RBKS: variants seen among roughly 807,000 people sequenced by gnomAD.
The protein encoded by RBKS is ribokinase.
A neutral mutation model predicts 33.9 loss-of-function variants in RBKS; 33 were observed. The observed-to-expected ratio is 0.97, with a 90% CI of 0.74 to 1.30. The LOEUF (loss-of-function observed/expected upper bound fraction) is 1.30. Among genes scored for constraint, RBKS ranks in the 50% most tolerant of loss-of-function variants. RBKS has a pLI of 0.00. For missense variants in RBKS, 361 were observed against 392.6 expected (o/e 0.92, Z 0.68); for synonymous variants, 125 against 143.0 (o/e 0.87, Z 0.90).
chr2:27,848,962 A>C (rs1663679702), intron 2 of RBKS, among the ~76,000 whole-genome samples: 1 of 152,132 alleles, frequency 6.6e-6, no homozygotes, highest in East Asian at 1.9e-4. Flanking sequence ...ACTACCAGGG[A>C]AGACAAGTTT....
intron 2 of RBKS, among the ~76,000 whole-genome samples, chr2:27,850,539 C>T (rs1663725496): frequency 6.6e-6 from 1 of 152,210 alleles, no homozygotes; most frequent in Admixed American, 6.5e-5. Flanking sequence ...ATAGTTTTGC[C>T]TTTTCCAGAA....
chr2:27,802,085 G>A (rs1677808101), intron 7 of RBKS, among the ~76,000 whole-genome samples: 1 of 129,438 alleles, frequency 7.7e-6, no homozygotes, highest in African/African-American at 3.0e-5. Flanking sequence ...CAATCCACCT[G>A]CCTTTGCCTC....
chr2:27,799,733 C>T (rs1472864774), intron 7 of RBKS, among the ~76,000 whole-genome samples: 1 of 152,248 alleles, frequency 6.6e-6, no homozygotes, highest in African/African-American at 2.4e-5. Flanking sequence ...GTCAGCCTTG[C>T]TGGCTACACT....
At chr2:27,816,888 C>T (rs1486315491) in intron 7 of RBKS, among the ~76,000 whole-genome samples, 5 of 152,206 alleles carry the variant, frequency 3.3e-5, no homozygotes, top group South Asian at 4.1e-4. Context: ...TGAGCCACCG[C>T]GCCCGGCCTA....
intron 7 of RBKS, among the ~76,000 whole-genome samples, chr2:27,793,124 A>G (rs1206499547): frequency 1.3e-5 from 2 of 152,250 alleles, no homozygotes; most frequent in African/African-American, 4.8e-5. Context: ...AGAATCCACA[A>G]GTCTATACTG....
chr2:27,805,130 T>C (rs1199489500), intron 7 of RBKS, among the ~76,000 whole-genome samples: 2 of 152,212 alleles, frequency 1.3e-5, no homozygotes, highest in South Asian at 2.1e-4. Flanking sequence ...TTGGCTTCCC[T>C]GGGCCACACT....
At chr2:27,888,354 C>T (rs927491403) in intron 1 of RBKS, among the ~76,000 whole-genome samples, 2 of 152,086 alleles carry the variant, frequency 1.3e-5, no homozygotes, top group African/African-American at 4.8e-5. Flanking sequence ...TCTGAAACTC[C>T]TCACTCAGGT....
At chr2:27,799,009 G>A (rs1453745448) in intron 7 of RBKS, among the ~76,000 whole-genome samples, 1 of 152,160 alleles carries the variant, frequency 6.6e-6, no homozygotes, top group African/African-American at 2.4e-5. Flanking sequence ...CCTGTCCTGA[G>A]ACCTAGTGCA....
Position 27,781,583 on chromosome 2 carries a change from C to T in RBKS, c.*32G>A, listed in dbSNP as rs1181225616. On this transcript the variant is annotated 3_prime_UTR_variant, in exon 8 of 8. Transcript: ENST00000302188. ...CAGCCACCCCCAAGTACATTTTATTCCCAGGTATATTTATTTTGGGACTAA... is the reference window on the plus strand; with the variant it reads ...CAGCCACCCCCAAGTACATTTTATTTCCAGGTATATTTATTTTGGGACTAA... 2.6e-6 allele frequency: 4 copies of T among 1,552,246 alleles called. No homozygotes were observed. The highest frequency in any genetic ancestry group is 1.2e-5 in the South Asian group (1 of 83,222).
intron 2 of RBKS, among the ~76,000 whole-genome samples, chr2:27,849,400 T>C (rs1000953414): frequency 1.3e-5 from 2 of 150,530 alleles, no homozygotes; most frequent in African/African-American, 2.4e-5. Context: ...CCATCTCTAC[T>C]GAAAATACAA....
At chr2:27,870,609 C>T in intron 1 of RBKS, 2 of 362,954 alleles carry the variant, frequency 5.5e-6, no homozygotes, top group Non-Finnish European at 1.1e-5. Flanking sequence ...TTAATCACAT[C>T]CTGCAAAATG....
chr2:27,830,295 T>C (rs1678395666), intron 6 of RBKS, among the ~76,000 whole-genome samples: 1 of 152,060 alleles, frequency 6.6e-6, no homozygotes, highest in African/African-American at 2.4e-5. Context: ...AGAGTCTCCC[T>C]GTAGCCCAGG....
At chr2:27,861,198 C>A (rs1663974683) in intron 1 of RBKS, among the ~76,000 whole-genome samples, 1 of 152,050 alleles carries the variant, frequency 6.6e-6, no homozygotes, top group Non-Finnish European at 1.5e-5. Context: ...GAACTTTTGG[C>A]CTTAAGTGAT....
intron 5 of RBKS, among the ~76,000 whole-genome samples, chr2:27,839,385 C>A (rs1481199815): frequency 1.3e-5 from 2 of 152,160 alleles, no homozygotes; most frequent in Non-Finnish European, 2.9e-5. Flanking sequence ...ATAATTTCAT[C>A]ACAAGCAGCT....
intron 6 of RBKS, among the ~76,000 whole-genome samples, chr2:27,828,511 G>A (rs571508989): frequency 1.3e-5 from 2 of 152,154 alleles, no homozygotes; most frequent in Non-Finnish European, 2.9e-5. Flanking sequence ...GTTTTTGCCA[G>A]AGAAGATGGA....
intron 1 of RBKS, among the ~76,000 whole-genome samples, chr2:27,865,486 CT>C (rs1389051598): frequency 6.6e-6 from 1 of 151,450 alleles, no homozygotes; most frequent in Non-Finnish European, 1.5e-5. Flanking sequence ...TCATTTCCTT[CT>C]TTTCCTGCTT....
chr2:27,784,908 C>T (rs1490148902), intron 7 of RBKS, among the ~76,000 whole-genome samples: 1 of 152,192 alleles, frequency 6.6e-6, no homozygotes. Context: ...TTCCCACTCT[C>T]AGTTTGCAGC....
intron 1 of RBKS, among the ~76,000 whole-genome samples, chr2:27,864,324 A>G (rs996285055): frequency 6.6e-6 from 1 of 152,120 alleles, no homozygotes; most frequent in Non-Finnish European, 1.5e-5. Flanking sequence ...ATCTTTTCCT[A>G]GCTAAAATGT....
In RBKS at chr2:27,781,686, C is replaced by T; in HGVS notation, c.898G>A (p.Val300Ile). Reference sequence around the variant, plus strand: ...TGTGTTCCTGCAGCCTGGACACTGACTGCTGCAATGAAATTGGATCTGTTG... The same window carrying T: ...TGTGTTCCTGCAGCCTGGACACTGATTGCTGCAATGAAATTGGATCTGTTG... ...MLNRSNFIAA[V>I]SVQAAGTQSS... Residue 300 changes from valine to isoleucine, a missense_variant, in exon 8 of 8, where the codon GTC becomes ATC. Coordinates refer to ENST00000302188, the MANE Select transcript of RBKS (RefSeq NM_022128.3). 6.2e-7 allele frequency: 1 copy of T among 1,614,042 alleles called. No homozygotes were observed. Among genetic ancestry groups the T allele is most frequent in the Non-Finnish European group, 8.5e-7 (1 of 1,179,960 alleles).
Sources: allele counts gnomAD v4.1 joint callset (sites outside exome capture counted in the v4.1 genomes callset), GRCh38; gene constraint gnomAD v4.1.1; transcripts MANE v1.5; gene names NCBI Gene and HGNC (gene_info 2026-07-23, HGNC 2026-07-21).